The following SCML4 variants were observed in gnomAD, a reference collection of about 807,000 sequenced individuals.
SCML4 encodes Scm polycomb group protein like 4.
SCML4 carries 34 observed loss-of-function variants against 41.1 expected under a neutral mutation model. The observed-to-expected ratio is 0.83, with a 90% CI of 0.63 to 1.10. The LOEUF (loss-of-function observed/expected upper bound fraction) is 1.10, where lower values mean the gene tolerates loss of function less well. SCML4 is among the 50% of genes least tolerant of loss of function. SCML4 has a pLI of 0.00. For missense variants in SCML4, 522 were observed against 534.1 expected, an observed-to-expected ratio of 0.98 and a Z score of 0.22; for synonymous variants, 214 against 220.9, an observed-to-expected ratio of 0.97 and a Z score of 0.28.
At chr6:107,719,785 C>T (rs1273461434) in intron 6 of SCML4, 5 of 526,618 alleles carry the variant, frequency 9.5e-6, no homozygotes, top group Admixed American at 6.4e-5. Flanking sequence ...TAAGTTAAGA[C>T]TTGCAAAAGG....
the SCML4 span, among the ~76,000 whole-genome samples, chr6:107,832,114 C>T: frequency 3.3e-5 from 5 of 151,654 alleles, no homozygotes; most frequent in African/African-American, 9.7e-5. Flanking sequence ...TGGTGCATGC[C>T]GGTAGTCCCA....
chr6:107,785,276 A>G (rs1160681711), intron 1 of SCML4, among the ~76,000 whole-genome samples: 2 of 152,226 alleles, frequency 1.3e-5, no homozygotes, highest in African/African-American at 4.8e-5. Context: ...CAAGAAGAGG[A>G]CCAACTCCCT....
intron 1 of SCML4, among the ~76,000 whole-genome samples, chr6:107,802,107 C>A (rs1017324730): frequency 5.3e-5 from 8 of 152,134 alleles, no homozygotes; most frequent in African/African-American, 1.9e-4. Flanking sequence ...TTCTCAAGTG[C>A]CTCCTACGTG....
At chr6:107,823,781 CCGGTTA>C (rs1401142840) in intron 1 of SCML4, among the ~76,000 whole-genome samples, 3 of 152,072 alleles carry the variant, frequency 2.0e-5, no homozygotes, top group Non-Finnish European at 2.9e-5. Flanking sequence ...AAATAACTAA[CCGGTTA>C]CTTGAGTTCA....
chr6:107,822,794 C>T (rs1785045410), intron 1 of SCML4, among the ~76,000 whole-genome samples: 1 of 152,134 alleles, frequency 6.6e-6, no homozygotes, highest in Non-Finnish European at 1.5e-5. Flanking sequence ...GAAGATTCTA[C>T]ATTAACCTTT....
chr6:107,712,346 C>A (rs551657779), intron 6 of SCML4, among the ~76,000 whole-genome samples: 1 of 152,316 alleles, frequency 6.6e-6, no homozygotes, highest in Non-Finnish European at 1.5e-5. Context: ...TTAACAGCAT[C>A]ATTCACAGGA....
chr6:107,751,634 CTTTCT>C (rs1562218979), intron 2 of SCML4, among the ~76,000 whole-genome samples: 8 of 136,482 alleles, frequency 5.9e-5, no homozygotes, highest in African/African-American at 2.0e-4. Context: ...TTCTTTCTTT[CTTTCT>C]TTCTTTCTTT....
chr6:107,737,799 A>C (rs929670948), intron 5 of SCML4, among the ~76,000 whole-genome samples: 3 of 152,214 alleles, frequency 2.0e-5, no homozygotes, highest in Non-Finnish European at 4.4e-5. Flanking sequence ...TACAATGTAC[A>C]TTATTTGGGT....
intron 1 of SCML4, among the ~76,000 whole-genome samples, chr6:107,812,882 C>CACACACACACACACACACAGACACAT (rs1784264081): frequency 1.5e-5 from 2 of 133,908 alleles, no homozygotes; most frequent in Middle Eastern, 3.5e-3. Flanking sequence ...CAGACACATA[C>CACACACACACACACACACAGACACAT]ACACACACAC....
At chr6:107,749,450 C>A (rs888654933) in intron 3 of SCML4, among the ~76,000 whole-genome samples, 2 of 152,118 alleles carry the variant, frequency 1.3e-5, no homozygotes, top group Non-Finnish European at 2.9e-5. Flanking sequence ...CCAAAGCAAC[C>A]ACCTAAACCC....
intron 2 of SCML4, chr6:107,755,504 G>A (rs999662529): frequency 6.1e-6 from 4 of 658,146 alleles, no homozygotes; most frequent in Non-Finnish European, 6.4e-6. Flanking sequence ...AGAAGAGCAC[G>A]GATATGAGCC....
intron 1 of SCML4, among the ~76,000 whole-genome samples, chr6:107,784,021 G>T (rs1364489485): frequency 2.0e-5 from 3 of 152,146 alleles, no homozygotes; most frequent in Non-Finnish European, 4.4e-5. Flanking sequence ...CAGTGGCTGA[G>T]TGCCCAGTCT....
intron 6 of SCML4, among the ~76,000 whole-genome samples, chr6:107,714,803 A>G (rs1266293826): frequency 2.6e-5 from 4 of 151,860 alleles, no homozygotes; most frequent in African/African-American, 9.7e-5. Context: ...TATTATGATG[A>G]TGTCATTCCA....
chr6:107,784,341 C>T (rs1781722482), intron 1 of SCML4, among the ~76,000 whole-genome samples: 1 of 152,174 alleles, frequency 6.6e-6, no homozygotes, highest in Non-Finnish European at 1.5e-5. Flanking sequence ...TTCTCTGCCA[C>T]TGATGTGGTC....
the SCML4 span, among the ~76,000 whole-genome samples, chr6:107,837,439 C>T: frequency 2.0e-5 from 3 of 152,106 alleles, no homozygotes; most frequent in South Asian, 4.1e-4. Context: ...GTTAGTAGGC[C>T]GAATGCACTT....
chr6:107,742,474 T>A, intron 5 of SCML4, among the ~76,000 whole-genome samples: 1 of 152,024 alleles, frequency 6.6e-6, no homozygotes, highest in East Asian at 1.9e-4. Context: ...CAAACAAAAC[T>A]ACCCCAAGGC....
intron 3 of SCML4, 40 bp from the exon 4 acceptor site, chr6:107,746,929 C>T (rs778707219): frequency 9.7e-6 from 15 of 1,545,590 alleles, no homozygotes; most frequent in African/African-American, 1.4e-5. Context: ...GCATCAGGCG[C>T]GCATCAGGCC....
the SCML4 span, among the ~76,000 whole-genome samples, chr6:107,844,059 T>A: frequency 6.6e-6 from 1 of 152,146 alleles, no homozygotes; most frequent in East Asian, 1.9e-4. Flanking sequence ...GGATACAGTA[T>A]GAAAAGACAG....
chr6:107,821,756 T>C (rs1404756853), intron 1 of SCML4, among the ~76,000 whole-genome samples: 1 of 152,056 alleles, frequency 6.6e-6, no homozygotes, highest in Non-Finnish European at 1.5e-5. Context: ...GATATTGAGG[T>C]TTCCGAGGGC....
Sources: allele counts gnomAD v4.1 joint callset (sites outside exome capture counted in the v4.1 genomes callset), GRCh38; gene constraint gnomAD v4.1.1; transcripts MANE v1.5; gene names NCBI Gene and HGNC (gene_info 2026-07-23, HGNC 2026-07-21).